The following BABAM2 variants were observed in gnomAD, a reference collection of about 807,000 sequenced individuals.
BABAM2 encodes the protein BRISC and BRCA1-A complex member 2.
In BABAM2, 31 loss-of-function variants were observed where a neutral mutation model predicts 54.7. The observed-to-expected ratio is 0.57, with a 90% CI of 0.43 to 0.77. The LOEUF (loss-of-function observed/expected upper bound fraction) is 0.77, where lower values mean the gene tolerates loss of function less well. BABAM2 is among the 30% of genes least tolerant of loss of function. The probability of loss-of-function intolerance (pLI) is 0.00; values close to 1 mark genes in which losing one functional copy is unlikely to be tolerated. For synonymous variants in BABAM2, 167 were observed against 162.9 expected (o/e 1.03, Z -0.19); for missense variants, 364 against 455.8 (o/e 0.80, Z 1.83).
chr2:28,293,445 A>G (rs1687449490), intron 10 of BABAM2, among the ~76,000 whole-genome samples: 1 of 152,236 alleles, frequency 6.6e-6, no homozygotes, highest in African/African-American at 2.4e-5. Context: ...CAGAGTTCAC[A>G]GAGAGGCAGC....
intron 7 of BABAM2, among the ~76,000 whole-genome samples, chr2:28,157,636 C>G (rs1573708625): frequency 6.6e-6 from 1 of 152,172 alleles, no homozygotes; most frequent in African/African-American, 2.4e-5. Context: ...GAGATGGAGT[C>G]TCTCTCTGTC....
At chr2:28,135,688 C>T (rs1203476232) in intron 7 of BABAM2, among the ~76,000 whole-genome samples, 2 of 152,178 alleles carry the variant, frequency 1.3e-5, no homozygotes, top group Non-Finnish European at 1.5e-5. Context: ...TTATTCATGA[C>T]ACTCTTGTCT....
intron 10 of BABAM2, among the ~76,000 whole-genome samples, chr2:28,294,913 A>G (rs1024012038): frequency 2.6e-5 from 4 of 152,240 alleles, no homozygotes; most frequent in African/African-American, 9.6e-5. Flanking sequence ...TCAAATTTTA[A>G]TATTGGCTTC....
intron 7 of BABAM2, among the ~76,000 whole-genome samples, chr2:28,165,495 G>T (rs986939276): frequency 6.7e-6 from 1 of 148,358 alleles, no homozygotes; most frequent in Admixed American, 6.7e-5. Context: ...AATGGTGGGG[G>T]AAGGGGCACT....
In BABAM2 at chr2:28,157,000, G is replaced by A. The variant is rs577030773; in HGVS notation, c.680+27620G>A. Among the ~76,000 whole-genome samples the A allele has an allele frequency of 1.1e-4, 16 of 152,198 alleles. No homozygotes were observed. In the East Asian group the frequency reaches 2.5e-3, roughly 24 times the overall value. ...ACATATTTCTCTTTAGAAAACAAAT[G>A]TATTGGTCTATAATTTTTAGACTTC... On this transcript the variant is annotated intron_variant, in intron 7 of 11. Coordinates refer to ENST00000379624, the MANE Select transcript of BABAM2 (RefSeq NM_199191.3).
At chr2:28,338,161 G>GA (rs1691630236) in intron 11 of BABAM2, among the ~76,000 whole-genome samples, 1 of 152,132 alleles carries the variant, frequency 6.6e-6, no homozygotes, top group Non-Finnish European at 1.5e-5. Flanking sequence ...TCTTTGTCCT[G>GA]AAAAAAGGCA....
intron 3 of BABAM2, among the ~76,000 whole-genome samples, chr2:27,941,723 T>C (rs1217217675): frequency 6.6e-6 from 1 of 152,170 alleles, no homozygotes; most frequent in Non-Finnish European, 1.5e-5. Context: ...TCAATTGTGA[T>C]ACGAATAATA....
intron 11 of BABAM2, chr2:28,308,311 C>T: frequency 3.3e-5 from 15 of 449,630 alleles, no homozygotes; most frequent in South Asian, 2.6e-4. Context: ...TGGCCCAAGA[C>T]AGTGTGGCTC....
intron 3 of BABAM2, among the ~76,000 whole-genome samples, chr2:27,957,952 C>T (rs1455544180): frequency 6.6e-6 from 1 of 152,166 alleles, no homozygotes; most frequent in African/African-American, 2.4e-5. Flanking sequence ...TGTCAGGTAG[C>T]CAAACTACAT....
Position 28,255,810 on chromosome 2 carries a change from T to C in BABAM2, c.934+10948T>C, listed in dbSNP as rs114872460. Among the ~76,000 whole-genome samples, 793 of 152,154 alleles carry C rather than the reference T, an allele frequency of 5.2e-3. 3 individuals carry two copies. The highest frequency in any genetic ancestry group is 0.018 in the African/African-American group (736 of 41,520). On this transcript the variant is annotated intron_variant, in intron 10 of 11. Transcript: ENST00000379624. ...CCTCCAGAGTAGCTGGCATTACAGG[T>C]GTACACCACCACACTCAGCTAATTT...
intron 7 of BABAM2, among the ~76,000 whole-genome samples, chr2:28,229,006 T>G (rs1681137717): frequency 6.6e-6 from 1 of 152,224 alleles, no homozygotes; most frequent in South Asian, 2.1e-4. Flanking sequence ...GCATTCCACC[T>G]TCTTTCTACT....
intron 7 of BABAM2, among the ~76,000 whole-genome samples, chr2:28,144,477 C>G (rs1471544506): frequency 6.6e-6 from 1 of 152,174 alleles, no homozygotes; most frequent in Non-Finnish European, 1.5e-5. Flanking sequence ...TTGAGAATCT[C>G]ATGATAGCTG....
In BABAM2 at chr2:28,127,808, CT is replaced by C. The variant is rs570971927; in HGVS notation, c.571-1447del. 4.8e-3 allele frequency among the ~76,000 whole-genome samples: 638 copies of C among 133,768 alleles called. 1 individual carries two copies. Among genetic ancestry groups the C allele is most frequent in the African/African-American group, 0.012 (436 of 35,966 alleles). 87.8% of individuals were successfully genotyped at this position (133,768 alleles called of 152,430 possible). A position where few individuals can be genotyped will look rare whatever the true frequency, so the allele number is the denominator to read the frequency against. On this transcript the variant is annotated intron_variant, in intron 6 of 11. Transcript: ENST00000379624. Reference sequence around the variant, plus strand: ...AATGTCAAGCTCATGAGTAGTGAGTCTTTTTTTTTTTTTTTTGAGGTGGAGT... The same window carrying C: ...AATGTCAAGCTCATGAGTAGTGAGTCTTTTTTTTTTTTTTTGAGGTGGAGT...
intron 6 of BABAM2, among the ~76,000 whole-genome samples, chr2:28,078,219 T>C (rs1403226099): frequency 1.3e-5 from 2 of 152,012 alleles, no homozygotes; most frequent in Non-Finnish European, 2.9e-5. Context: ...TAGTAGCCAA[T>C]TAGCAGATCT....
chr2:28,061,519 A>G (rs1282828422), intron 6 of BABAM2, among the ~76,000 whole-genome samples: 5 of 146,992 alleles, frequency 3.4e-5, no homozygotes, highest in Non-Finnish European at 7.5e-5. Context: ...TGGGAGGCGG[A>G]GCTTGCACTG....
At chr2:28,139,856 T>G (rs1329586002) in intron 7 of BABAM2, among the ~76,000 whole-genome samples, 2 of 152,240 alleles carry the variant, frequency 1.3e-5, no homozygotes, top group South Asian at 4.1e-4. Flanking sequence ...TCTGAGCTAC[T>G]AGCATCTCTA....
At chr2:28,026,803 A>AAAATATAT (rs1558666817) in intron 5 of BABAM2, among the ~76,000 whole-genome samples, 3 of 101,208 alleles carry the variant, frequency 3.0e-5, no homozygotes, top group African/African-American at 1.3e-4. Context: ...ATTTATATAA[A>AAAATATAT]AAATATATAA....
At chr2:27,919,601 C>A (rs557320722) in intron 2 of BABAM2, among the ~76,000 whole-genome samples, 53 of 152,256 alleles carry the variant, frequency 3.5e-4, no homozygotes, top group Admixed American at 7.2e-4. Flanking sequence ...TTAAGATAAT[C>A]CTATCAATTT....
rs556572368 is a variant in BABAM2, at chr2:28,024,733, T to C, written c.301-493T>C. Among the ~76,000 whole-genome samples the C allele has an allele frequency of 2.0e-5, 3 of 152,294 alleles. No individual in the cohort carries two copies. The East Asian group carries it at 5.8e-4, about 29-fold the overall frequency. On this transcript the variant is annotated intron_variant, in intron 4 of 11. Coordinates refer to ENST00000379624, the MANE Select transcript of BABAM2 (RefSeq NM_199191.3). Reference sequence around the variant, plus strand: ...TCTTTTTCAGGCCTAACCGTCACCATTGTGCTTATATTTCTGTGAGGCTCT... The same window carrying C: ...TCTTTTTCAGGCCTAACCGTCACCACTGTGCTTATATTTCTGTGAGGCTCT...
Sources: gnomAD v4.1 joint callset for allele counts (sites outside exome capture counted in the v4.1 genomes callset) on GRCh38, gnomAD v4.1.1 for gene constraint, MANE v1.5 for transcripts, NCBI Gene and HGNC (gene_info 2026-07-23, HGNC 2026-07-21) for gene names.